Variants in CUBN observed in about 807,000 individuals in gnomAD.
CUBN encodes cubilin.
Under a neutral mutation model 405.3 loss-of-function variants are expected in CUBN, and 282 were observed. The ratio of observed to expected loss-of-function variants is 0.70; its 90% CI spans 0.63 to 0.77. The LOEUF (loss-of-function observed/expected upper bound fraction) is 0.77, where lower values mean the gene tolerates loss of function less well. Among genes scored for constraint, CUBN ranks in the 30% least tolerant of loss-of-function variants. The probability of loss-of-function intolerance (pLI) is 0.00; values close to 1 mark genes in which losing one functional copy is unlikely to be tolerated. For missense variants in CUBN, 4,514 were observed against 4,475.2 expected, an observed-to-expected ratio of 1.01 and a Z score of -0.25; for synonymous variants, 1,684 against 1,617.0, an observed-to-expected ratio of 1.04 and a Z score of -0.99.
At chr10:16,902,796 A>C (rs1285751852) in intron 51 of CUBN, among the ~76,000 whole-genome samples, 2 of 152,178 alleles carry the variant, frequency 1.3e-5, no homozygotes, top group Non-Finnish European at 2.9e-5. Flanking sequence ...GAGAGGGTAA[A>C]GAATGCAGGT....
chr10:17,121,907 T>C (rs1015935281), intron 6 of CUBN: 7 of 152,194 alleles, frequency 4.6e-5, no homozygotes, highest in Non-Finnish European at 1.0e-4. Flanking sequence ...GCAGAATTTA[T>C]TTATTAATCT....
intron 3 of CUBN, among the ~76,000 whole-genome samples, chr10:17,127,606 C>A (rs1837229141): frequency 1.3e-5 from 2 of 151,974 alleles, no homozygotes; most frequent in Admixed American, 1.3e-4. Flanking sequence ...TGCTCCCAGC[C>A]CAAGGCCTAC....
At chr10:17,091,562 C>A (rs1174606736) in intron 14 of CUBN, among the ~76,000 whole-genome samples, 1 of 151,996 alleles carries the variant, frequency 6.6e-6, no homozygotes, top group Non-Finnish European at 1.5e-5. Flanking sequence ...AAACTATTAT[C>A]ATGTTGTAGG....
chr10:17,078,591 A>G (rs1458683473), intron 17 of CUBN, among the ~76,000 whole-genome samples: 1 of 152,146 alleles, frequency 6.6e-6, no homozygotes, highest in African/African-American at 2.4e-5. Flanking sequence ...TTTAATATCT[A>G]TATTACATAC....
chr10:16,896,321 C>T (rs1160108242), intron 54 of CUBN, among the ~76,000 whole-genome samples: 1 of 152,068 alleles, frequency 6.6e-6, no homozygotes, highest in Non-Finnish European at 1.5e-5. Flanking sequence ...GTTTGAAGAA[C>T]TTCTGTTTGA....
At position 16,948,555 on chromosome 10, in the gene CUBN, G is replaced by A. The variant is rs762190008; in HGVS notation, c.5132C>T (p.Ala1711Val). The A allele has an allele frequency of 1.5e-5, 24 of 1,613,920 alleles. No individual in the cohort carries two copies. The highest frequency in any genetic ancestry group is 1.9e-5 in the Non-Finnish European group (23 of 1,179,956). ...ATCAGAGACGAATCTCAGCGTCAGG[G>A]CGCTGCTGAAGGATGTGATAGGATG... Reference protein sequence around the residue: ...MPHPITSFSSALTLRFVSDSS... With the variant: ...MPHPITSFSSVLTLRFVSDSS... Residue 1711 changes from alanine (A) to valine (V), a missense_variant, in exon 35 of 67, where the codon GCC becomes GTC. Transcript: ENST00000377833.
chr10:17,129,176 C>T lies in CUBN; in HGVS notation c.197G>A (p.Gly66Glu). 6.2e-7 allele frequency: 1 copy of T among 1,613,586 alleles called. No individual in the cohort carries two copies. Among genetic ancestry groups the T allele is most frequent in the East Asian group, 2.2e-5 (1 of 44,860 alleles). ...GSAQNIEFRT[G>E]SLGKIKLNDE... is the part of the protein sequence containing the mutation. ...ATTTAATTTAATTTTTCCCAGGGAT[C>T]CGGTTCTAAACTCAATGTTTTGAGC... is the stretch of plus-strand genomic sequence containing the variant. Residue 66 changes from glycine (G) to glutamate (E), a missense_variant, in exon 2 of 67, where the codon GGA (glycine) becomes GAA (glutamate). Physicochemically the swap from Gly to Glu is moderately conservative, Grantham distance 98. This residue lies in a region of CUBN where 1,448 missense variants were observed against 1,388.0 expected (regional missense o/e 1.04). Transcript: ENST00000377833.
chr10:17,087,468 TTTTC>T (rs1368552302), intron 15 of CUBN, among the ~76,000 whole-genome samples: 4 of 95,984 alleles, frequency 4.2e-5, no homozygotes, highest in South Asian at 3.9e-4. Flanking sequence ...TTATTTTTCT[TTTTC>T]TTTTTTTTTT....
Position 16,925,725 on chromosome 10 carries a change from C to T in CUBN, c.6321G>A (p.Lys2107=), listed in dbSNP as rs776028636. The T allele has an allele frequency of 2.0e-5, 33 of 1,614,006 alleles. No homozygotes were observed. Among genetic ancestry groups the T allele is most frequent in the Non-Finnish European group, 2.6e-5 (31 of 1,179,956 alleles). The change falls in exon 42 of 67, where the codon AAG becomes AAA. Residue 2107 remains lysine (K), a synonymous_variant. Transcript: ENST00000377833. ...GGTTGGATGGGTAAGTCTCTGGATA[C>T]TTGGGGGACGTGATGATCCCTCTGT... ...HADRGIITSP[K]YPETYPSNLN...
At chr10:16,946,269 A>T (rs1221768902) in intron 36 of CUBN, among the ~76,000 whole-genome samples, 3 of 152,110 alleles carry the variant, frequency 2.0e-5, no homozygotes, top group Non-Finnish European at 2.9e-5. Flanking sequence ...GTTGATTAAA[A>T]TGTGTGCTTT....
rs976401499 is a variant in CUBN at position 16,874,382 on chromosome 10, G to C, written c.9228C>G (p.Ile3076Met). 3 of 1,614,054 alleles carry C rather than the reference G, an allele frequency of 1.9e-6. No individual in the cohort carries two copies. Among genetic ancestry groups the C allele is most frequent in the African/African-American group, 1.3e-5 (1 of 75,032 alleles). Residue 3076 changes from isoleucine (I) to methionine (M), a missense_variant, in exon 58 of 67, where the codon ATC becomes ATG. Around this residue, in one of 5 missense-constraint regions of CUBN, gnomAD observed 1,186 missense variants for 1,186.9 expected, o/e 1.00. Transcript: ENST00000377833. Reference protein sequence around the residue: ...YTITVSDDKVIELKFSDFDVV... With the variant: ...YTITVSDDKVMELKFSDFDVV... ...CAATTTGTCTTACGTACTTGAGCTC[G>C]ATCACCTTGTCGTCACTAACGGTGA...
At chr10:17,074,156 C>G (rs1835801332) in intron 17 of CUBN, among the ~76,000 whole-genome samples, 1 of 152,160 alleles carries the variant, frequency 6.6e-6, no homozygotes, top group Admixed American at 6.5e-5. Context: ...GTGACAATAC[C>G]ATGAAACAGT....
intron 28 of CUBN, among the ~76,000 whole-genome samples, chr10:16,997,432 T>TAAAAA (rs11464946): frequency 1.6e-5 from 2 of 122,680 alleles, no homozygotes; most frequent in Admixed American, 8.3e-5. Context: ...AGACTCCATC[T>TAAAAA]AAAAAAAAAA....
At chr10:16,985,367 G>A (rs1012601007) in intron 29 of CUBN, among the ~76,000 whole-genome samples, 2 of 152,180 alleles carry the variant, frequency 1.3e-5, no homozygotes, top group African/African-American at 2.4e-5. Flanking sequence ...ACAGCACAGC[G>A]AAACTCTATG....
intron 45 of CUBN, among the ~76,000 whole-genome samples, chr10:16,918,113 C>T (rs1252751224): frequency 5.3e-5 from 8 of 151,962 alleles, no homozygotes; most frequent in Non-Finnish European, 8.8e-5. Flanking sequence ...GGTGTGAGAC[C>T]GTATTTCTGA....
chr10:16,846,095 T>C (rs1424369120), intron 60 of CUBN, among the ~76,000 whole-genome samples: 5 of 152,222 alleles, frequency 3.3e-5, no homozygotes, highest in African/African-American at 1.2e-4. Context: ...CACAAAAATA[T>C]TTTTGCACAG....
intron 66 of CUBN, among the ~76,000 whole-genome samples, chr10:16,826,295 CAT>C (rs1554778719): frequency 1.9e-5 from 1 of 51,474 alleles, no homozygotes; most frequent in African/African-American, 2.2e-4. Context: ...GTTTAACAAA[CAT>C]ATTTACATAC....
chr10:16,915,809 T>C lies in CUBN; in HGVS notation c.7210+12A>G. The C allele has an allele frequency of 6.2e-7, 1 of 1,603,854 alleles. No individual in the cohort carries two copies. The stretch of plus-strand genomic sequence containing the variant: ...ATAAACACCCAAAAGAGAGCAGATA[T>C]ATTTTACTAACCAGAGGTATGATTG... On this transcript the variant is annotated intron_variant, in intron 46 of 66. Coordinates refer to ENST00000377833, the MANE Select transcript of CUBN (RefSeq NM_001081.4).
intron 14 of CUBN, among the ~76,000 whole-genome samples, chr10:17,090,990 C>T (rs1588636096): frequency 6.6e-6 from 1 of 152,082 alleles, no homozygotes; most frequent in East Asian, 1.9e-4. Context: ...TACCAATAGC[C>T]ATCCGTAGCA....
Sources: gnomAD v4.1 joint callset for allele counts (sites outside exome capture counted in the v4.1 genomes callset) on GRCh38, gnomAD v4.1.1 for gene constraint, gnomAD v4.1.1 regional missense constraint, MANE v1.5 for transcripts, NCBI Gene and HGNC (gene_info 2026-07-23, HGNC 2026-07-21) for gene names.